The following STXBP4 variants were observed in gnomAD, a reference collection of about 807,000 sequenced individuals.
The protein encoded by STXBP4 is syntaxin binding protein 4, also known as syntaxin-binding protein 4.
In STXBP4, 55 loss-of-function variants were observed where a neutral mutation model predicts 76.1. That is an observed-to-expected ratio of 0.72 (90% confidence interval 0.58 to 0.91). STXBP4 has a LOEUF of 0.91. Ranked by LOEUF, STXBP4 falls within the 40% of genes least tolerant of loss-of-function variation. The pLI, the probability that STXBP4 is intolerant of heterozygous loss-of-function variation, is 0.00. For synonymous variants in STXBP4, 201 were observed against 220.2 expected (o/e 0.91, Z 0.77); for missense variants, 618 against 636.9 (o/e 0.97, Z 0.32).
At chr17:55,078,256 TAAA>T in intron 14 of STXBP4, 62 bp downstream of exon 14, 1 of 1,052,160 alleles carries the variant, frequency 9.5e-7, no homozygotes, top group Non-Finnish European at 1.4e-6. Flanking sequence ...GGCATATAGA[TAAA>T]TGTTACTGTA....
intron 16 of STXBP4, among the ~76,000 whole-genome samples, chr17:55,099,265 T>C (rs1041890769): frequency 4.6e-5 from 7 of 152,244 alleles, no homozygotes; most frequent in African/African-American, 1.7e-4. Context: ...TTCCGAAGTC[T>C]ATACAGAAAT....
rs1361075511 is a variant in STXBP4 at position 55,172,678 on chromosome 17, T to C, written c.*12767T>C. The C allele has an allele frequency of 2.0e-5, 3 of 152,160 alleles. No homozygotes were observed. The allele number at this position is 152,160 out of a possible 1,614,324, so 9.4% of individuals were successfully genotyped here. On this transcript the variant is annotated 3_prime_UTR_variant, in exon 18 of 18. Transcript: ENST00000376352. ...AAGTTTGCATCTCGTAATAACTTGG[T>C]GAGATAGGGCAAGCATTATTTCTAA...
intron 1 of STXBP4, among the ~76,000 whole-genome samples, chr17:54,974,646 GC>G (rs1214479775): frequency 6.6e-6 from 1 of 152,232 alleles, no homozygotes; most frequent in Admixed American, 6.5e-5. Flanking sequence ...GGACATGCAA[GC>G]CCCCAAATTG....
Position 55,168,902 on chromosome 17 carries a change from A to G in STXBP4, c.*8991A>G, listed in dbSNP as rs775894292. 1 of 152,222 alleles carries G rather than the reference A, an allele frequency of 6.6e-6. No individual in the cohort carries two copies. Among genetic ancestry groups the G allele is most frequent in the Non-Finnish European group, 1.5e-5 (1 of 68,040 alleles). The allele number at this position is 152,222 out of a possible 1,614,324, so 9.4% of individuals were successfully genotyped here. On this transcript the variant is annotated 3_prime_UTR_variant, in exon 18 of 18. Coordinates refer to ENST00000376352, the MANE Select transcript of STXBP4 (RefSeq NM_178509.6). ...CTTAATAGAAAAATTTTAGATAACA[A>G]TCAGGATTCATACTCTTCTCAATAG...
In STXBP4 at chr17:55,163,120, G is replaced by A. The variant is rs1019601719; in HGVS notation, c.*3209G>A. ...ACATATCCATAAATTCTCCATAAAA[G>A]TAGGACCAACTTACATTACCACCAA... On this transcript the variant is annotated 3_prime_UTR_variant, in exon 18 of 18. Transcript: ENST00000376352. 12 of 151,832 alleles carry A rather than the reference G, an allele frequency of 7.9e-5. No individual in the cohort carries two copies. Among genetic ancestry groups the A allele is most frequent in the African/African-American group, 2.7e-4 (11 of 41,332 alleles). The allele number at this position is 151,832 out of a possible 1,614,324, so 9.4% of individuals were successfully genotyped here.
At chr17:55,031,357 G>A (rs1162581302) in intron 9 of STXBP4, 93 bp downstream of exon 9, 3 of 1,046,874 alleles carry the variant, frequency 2.9e-6, no homozygotes, top group South Asian at 1.5e-5. Context: ...TTCTTTAGAA[G>A]GAGAGAATGA....
At chr17:55,206,100 T>G in the STXBP4 span, among the ~76,000 whole-genome samples, 2 of 152,094 alleles carry the variant, frequency 1.3e-5, no homozygotes, top group African/African-American at 2.4e-5. Flanking sequence ...TTATAAAAAT[T>G]TTATAGTATG....
chr17:55,106,450 G>A (rs1324083102), intron 16 of STXBP4, among the ~76,000 whole-genome samples: 2 of 151,964 alleles, frequency 1.3e-5, no homozygotes, highest in Non-Finnish European at 2.9e-5. Flanking sequence ...TGGGCATTTA[G>A]CCTGTTTACA....
At chr17:55,005,988 T>A (rs193197428) in intron 7 of STXBP4, among the ~76,000 whole-genome samples, 1 of 152,198 alleles carries the variant, frequency 6.6e-6, no homozygotes, top group East Asian at 1.9e-4. Flanking sequence ...TACCCATATA[T>A]GTATATGTGT....
chr17:54,974,140 G>T (rs1014950946), intron 1 of STXBP4, among the ~76,000 whole-genome samples: 1 of 152,132 alleles, frequency 6.6e-6, no homozygotes, highest in Non-Finnish European at 1.5e-5. Context: ...TTTTCTAGTG[G>T]TTTTCCTGAT....
intron 16 of STXBP4, among the ~76,000 whole-genome samples, chr17:55,082,059 A>G (rs922438307): frequency 6.6e-6 from 1 of 152,008 alleles, no homozygotes; most frequent in Non-Finnish European, 1.5e-5. Context: ...CCTATAATTT[A>G]TAAAAATCAA....
chr17:55,043,588 A>T lies in STXBP4; in HGVS notation c.945+263A>T. On this transcript the variant is annotated intron_variant, in intron 11 of 17. Coordinates refer to ENST00000376352, the MANE Select transcript of STXBP4 (RefSeq NM_178509.6). The stretch of plus-strand genomic sequence containing the variant: ...ATGTCTTCTGTTGAGGTTTCTTCTT[A>T]TCCTTTTTATTCTCTCTCATTAGTG... 3 of 1,545,858 alleles carry T rather than the reference A, an allele frequency of 1.9e-6. No homozygotes were observed. The South Asian group carries it at 3.6e-5, about 18-fold the overall frequency.
intron 2 of STXBP4, among the ~76,000 whole-genome samples, chr17:54,985,894 A>T (rs916976913): frequency 6.6e-6 from 1 of 152,212 alleles, no homozygotes; most frequent in African/African-American, 2.4e-5. Flanking sequence ...TGAAGATGTT[A>T]TATAGATATG....
chr17:55,058,010 A>G (rs943258283), intron 12 of STXBP4, among the ~76,000 whole-genome samples: 28 of 152,170 alleles, frequency 1.8e-4, no homozygotes, highest in African/African-American at 6.5e-4. Flanking sequence ...TGCCACAATA[A>G]ACGTACTTGT....
At chr17:55,011,190 C>T (rs1336421307) in intron 8 of STXBP4, among the ~76,000 whole-genome samples, 2 of 151,760 alleles carry the variant, frequency 1.3e-5, no homozygotes, top group Non-Finnish European at 2.9e-5. Context: ...TAAGAATTAC[C>T]ATATATTGAG....
At chr17:55,115,815 A>G (rs1365889658) in intron 16 of STXBP4, among the ~76,000 whole-genome samples, 1 of 151,890 alleles carries the variant, frequency 6.6e-6, no homozygotes, top group Non-Finnish European at 1.5e-5. Flanking sequence ...TTGTTATGAT[A>G]CAGCAATGTC....
rs2080374517 is a variant in STXBP4 at position 55,165,735 on chromosome 17, A to G, written c.*5824A>G. On this transcript the variant is annotated 3_prime_UTR_variant, in exon 18 of 18. Transcript: ENST00000376352. ...AGTATTAAGAGGTACGGCTCTGAGG[A>G]GGTGATTAGGTCATGAGGCTCCATC... The G allele has an allele frequency of 6.6e-6, 1 of 152,118 alleles. No individual in the cohort carries two copies. The highest frequency in any genetic ancestry group is 2.1e-4 in the South Asian group (1 of 4,822). 9.4% of individuals were successfully genotyped at this position (152,118 alleles called of 1,614,324 possible).
chr17:55,156,345 T>TA (rs958600892), intron 17 of STXBP4, among the ~76,000 whole-genome samples: 1 of 152,186 alleles, frequency 6.6e-6, no homozygotes, highest in African/African-American at 2.4e-5. Context: ...TCCAAGCCAG[T>TA]AAATCTGGGA....
At chr17:55,097,902 C>T (rs573882486) in intron 16 of STXBP4, among the ~76,000 whole-genome samples, 2 of 152,104 alleles carry the variant, frequency 1.3e-5, no homozygotes, top group South Asian at 4.2e-4. Flanking sequence ...GGAGATATCA[C>T]CAATCCATAG....
Sources: allele counts gnomAD v4.1 joint callset (sites outside exome capture counted in the v4.1 genomes callset), GRCh38; gene constraint gnomAD v4.1.1; transcripts MANE v1.5; gene names NCBI Gene and HGNC (gene_info 2026-07-23, HGNC 2026-07-21).